The following TRAK1 variants were observed in gnomAD, a reference collection of about 807,000 sequenced individuals.
The protein encoded by TRAK1 is trafficking kinesin-binding protein 1.
Under a neutral mutation model 92.1 loss-of-function variants are expected in TRAK1, and 33 were observed. The ratio of observed to expected loss-of-function variants is 0.36; its 90% CI spans 0.27 to 0.48. The LOEUF (loss-of-function observed/expected upper bound fraction) is 0.48. Ranked by LOEUF, TRAK1 falls within the 20% of genes least tolerant of loss-of-function variation. The pLI, the probability that TRAK1 is intolerant of heterozygous loss-of-function variation, is 0.99. For missense variants in TRAK1, 1,123 were observed against 1,257.9 expected (o/e 0.89, Z 1.62); for synonymous variants, 521 against 517.3 (o/e 1.01, Z -0.10).
chr3:42,154,966 A>G (rs748087798), intron 2 of TRAK1, among the ~76,000 whole-genome samples: 43 of 152,070 alleles, frequency 2.8e-4, no homozygotes, highest in Non-Finnish European at 5.3e-4. Flanking sequence ...TTGAGGGTAT[A>G]GCAGAGGAAA....
chr3:42,094,321 C>T (rs1177269609), intron 1 of TRAK1, among the ~76,000 whole-genome samples: 3 of 152,204 alleles, frequency 2.0e-5, no homozygotes, highest in Non-Finnish European at 4.4e-5. Context: ...CCTGATCTCT[C>T]ATAAACACTG....
intron 1 of TRAK1, among the ~76,000 whole-genome samples, chr3:42,055,747 G>C (rs1046090181): frequency 6.6e-6 from 1 of 152,152 alleles, no homozygotes; most frequent in Non-Finnish European, 1.5e-5. Context: ...ATAGATGTGA[G>C]CCACTGTGCC....
intron 1 of TRAK1, among the ~76,000 whole-genome samples, chr3:42,074,677 T>G (rs1181603145): frequency 1.7e-5 from 2 of 119,758 alleles, no homozygotes; most frequent in Non-Finnish European, 3.1e-5. Flanking sequence ...CTCAGACTAG[T>G]TTTTTTTTTT....
At chr3:42,160,164 T>A (rs1701084402) in intron 2 of TRAK1, 6 of 1,111,542 alleles carry the variant, frequency 5.4e-6, no homozygotes, top group Non-Finnish European at 5.5e-6. Flanking sequence ...TTCCGGGTCC[T>A]GCCCGGGTGA....
intron 4 of TRAK1, among the ~76,000 whole-genome samples, chr3:42,185,844 T>A (rs1342636001): frequency 2.0e-5 from 3 of 151,686 alleles, no homozygotes; most frequent in South Asian, 2.1e-4. Context: ...GCTAATTTTT[T>A]AATATTTTTG....
rs368853463 is a variant in TRAK1, at chr3:42,181,910, C to T, written c.364-2775C>T. 3.3e-5 allele frequency among the ~76,000 whole-genome samples: 5 copies of T among 151,358 alleles called. No homozygotes were observed. In the South Asian group the frequency reaches 8.4e-4, roughly 25 times the overall value. ...CTTTCCTCTAGGTACCTAATAAGCA[C>T]AGCTGTTGAGTCTGAGAAATGACAA... is the stretch of plus-strand genomic sequence containing the variant. On this transcript the variant is annotated intron_variant, in intron 3 of 15. Coordinates refer to ENST00000327628, the MANE Select transcript of TRAK1 (RefSeq NM_001042646.3).
rs1333216270 is a variant in TRAK1, at chr3:42,091,485, C to G, written c.16C>G (p.Gln6Glu). Reference sequence around the variant, plus strand: ...ATGTCTGCACATGGCATTGGTTTTTCAATTCGGGCAGCCCGTCAGGGCTCA... The same window carrying G: ...ATGTCTGCACATGGCATTGGTTTTTGAATTCGGGCAGCCCGTCAGGGCTCA... MALVF[Q>E]FGQPVRAQPL... Residue 6 changes from glutamine to glutamate, a missense_variant, in exon 1 of 16, where the codon CAA (glutamine) becomes GAA (glutamate). Gln to Glu is a conservative substitution (Grantham distance 29). Transcript: ENST00000327628. 1.9e-6 allele frequency: 3 copies of G among 1,613,394 alleles called. No homozygotes were observed. The highest frequency in any genetic ancestry group is 2.5e-6 in the Non-Finnish European group (3 of 1,179,832).
intron 1 of TRAK1, among the ~76,000 whole-genome samples, chr3:42,031,410 C>A (rs1195962610): frequency 6.6e-6 from 1 of 151,668 alleles, no homozygotes; most frequent in Non-Finnish European, 1.5e-5. Flanking sequence ...AATCCCAGCA[C>A]TTTGGGAGGC....
At chr3:42,127,542 G>T (rs1559803734) in intron 2 of TRAK1, among the ~76,000 whole-genome samples, 1 of 151,670 alleles carries the variant, frequency 6.6e-6, no homozygotes, top group Non-Finnish European at 1.5e-5. Flanking sequence ...AATTTTTTTT[G>T]GAGAGATGGG....
chr3:42,196,979 CTCTT>C (rs758902851), intron 10 of TRAK1, among the ~76,000 whole-genome samples: 9,311 of 116,674 alleles, frequency 0.08, 367 homozygotes, highest in Non-Finnish European at 0.1. Context: ...CTCTCTCTTT[CTCTT>C]TCTCTCTCTC....
chr3:42,097,771 A>G (rs74770585), intron 1 of TRAK1, among the ~76,000 whole-genome samples: 3,225 of 152,260 alleles, frequency 0.021, 101 homozygotes, highest in African/African-American at 0.073. Context: ...CCTGAACTTT[A>G]TATCAAGGAC....
chr3:42,214,565 A>G (rs924728885), intron 14 of TRAK1, among the ~76,000 whole-genome samples: 3 of 152,250 alleles, frequency 2.0e-5, no homozygotes, highest in Admixed American at 6.5e-5. Flanking sequence ...CCCTCTCTGC[A>G]CAATGCTGTG....
rs537766617 is a variant in TRAK1 at position 42,027,995 on chromosome 3, G to A, written c.-519+13878G>A. On this transcript the variant is annotated intron_variant, in intron 1 of 16. Coordinates refer to the TRAK1 transcript ENST00000487159. ...CTCCTGAGTAGCTGGGATTATAGGC[G>A]CCAGCTATCATGCCCAGCTGATTTT... is the stretch of plus-strand genomic sequence containing the variant. 3.3e-5 allele frequency among the ~76,000 whole-genome samples: 5 copies of A among 152,218 alleles called. No homozygotes were observed. In the South Asian group the frequency reaches 6.2e-4, roughly 19 times the overall value.
chr3:42,188,960 C>T, intron 5 of TRAK1, 56 bp from the exon 6 acceptor site: 1 of 1,298,768 alleles, frequency 7.7e-7, no homozygotes, highest in Non-Finnish European at 1.1e-6. Flanking sequence ...ACATGGTTTG[C>T]CAGGTGGTGG....
intron 2 of TRAK1, among the ~76,000 whole-genome samples, chr3:42,147,955 T>C (rs1303830810): frequency 1.3e-5 from 2 of 152,156 alleles, no homozygotes; most frequent in East Asian, 1.9e-4. Context: ...ATATAAGATG[T>C]GTGTGTCTAT....
chr3:42,056,786 A>T (rs1703222081), intron 1 of TRAK1, among the ~76,000 whole-genome samples: 1 of 152,344 alleles, frequency 6.6e-6, no homozygotes, highest in South Asian at 2.1e-4. Flanking sequence ...GAGTGCTTGT[A>T]TATTTTTGAA....
chr3:42,172,673 G>GT, intron 2 of TRAK1, among the ~76,000 whole-genome samples: 1 of 152,242 alleles, frequency 6.6e-6, no homozygotes, highest in Non-Finnish European at 1.5e-5. Context: ...AGGCTGCCCT[G>GT]TTTTCTGTGT....
At chr3:42,074,719 T>C (rs577860887) in intron 1 of TRAK1, among the ~76,000 whole-genome samples, 1 of 151,622 alleles carries the variant, frequency 6.6e-6, no homozygotes, top group African/African-American at 2.4e-5. Flanking sequence ...GTTCAGGTAG[T>C]ACATGTATAG....
chr3:42,151,147 G>GCCATAGCTCTGTGGATGCCA (rs1699904683), intron 2 of TRAK1, among the ~76,000 whole-genome samples: 1 of 152,220 alleles, frequency 6.6e-6, no homozygotes, highest in Non-Finnish European at 1.5e-5. Flanking sequence ...GTCAGGTGGG[G>GCCATAGCTCTGTGGATGCCA]CCATAGCTCT....
Sources: allele counts gnomAD v4.1 joint callset (sites outside exome capture counted in the v4.1 genomes callset), GRCh38; gene constraint gnomAD v4.1.1; transcripts MANE v1.5; gene names NCBI Gene and HGNC (gene_info 2026-07-23, HGNC 2026-07-21).